Variants in HERPUD2 observed in about 807,000 individuals in gnomAD.
The protein encoded by HERPUD2 is HERPUD family member 2.
Under a neutral mutation model 49.9 loss-of-function variants are expected in HERPUD2, and 13 were observed. That is an observed-to-expected ratio of 0.26 (90% CI 0.17 to 0.41). The LOEUF is 0.41. Among genes scored for constraint, HERPUD2 ranks in the 10% least tolerant of loss-of-function variants. The pLI is 1.00. For synonymous variants in HERPUD2, 172 were observed against 171.4 expected (o/e 1.00, Z -0.03); for missense variants, 449 against 492.2 (o/e 0.91, Z 0.83).
At chr7:35,661,543 A>C (rs917126614) in intron 5 of HERPUD2, among the ~76,000 whole-genome samples, 2 of 151,980 alleles carry the variant, frequency 1.3e-5, no homozygotes, top group Non-Finnish European at 2.9e-5. Context: ...GTCCTCTTTT[A>C]TTTCGCTGAG....
intron 2 of HERPUD2, among the ~76,000 whole-genome samples, chr7:35,691,714 C>T (rs917568599): frequency 6.6e-6 from 1 of 152,164 alleles, no homozygotes; most frequent in Non-Finnish European, 1.5e-5. Context: ...TCAGAAAAAC[C>T]TAAACTTCCT....
intron 2 of HERPUD2, among the ~76,000 whole-genome samples, chr7:35,678,486 A>G (rs1785812860): frequency 6.6e-6 from 1 of 152,174 alleles, no homozygotes; most frequent in Non-Finnish European, 1.5e-5. Flanking sequence ...TATTTAGTAG[A>G]GATGGGATTT....
rs181952104 is a variant in HERPUD2 at position 35,690,230 on chromosome 7, T to C, written c.147+3954A>G. Among the ~76,000 whole-genome samples the C allele has an allele frequency of 5.6e-4, 85 of 152,340 alleles. 1 individual carries two copies. In the East Asian group the frequency reaches 0.014, roughly 25 times the overall value. ...ATATTACAACTCACAATTATCTATA[T>C]ATTCTGTAATATAAACTAGTGCACT... is the stretch of plus-strand genomic sequence containing the variant. On this transcript the variant is annotated intron_variant, in intron 2 of 8. Transcript: ENST00000311350.
Position 35,661,160 on chromosome 7 carries a change from G to A in HERPUD2, c.494+6274C>T, listed in dbSNP as rs182157133. 5.1e-3 allele frequency among the ~76,000 whole-genome samples: 779 copies of A among 152,054 alleles called. 23 individuals carry two copies. The highest frequency in any genetic ancestry group is 0.045 in the Admixed American group (685 of 15,266). On this transcript the variant is annotated intron_variant, in intron 5 of 8. Coordinates refer to ENST00000311350, the MANE Select transcript of HERPUD2 (RefSeq NM_022373.5). ...AATCCTTTCCCCATTTCTTGTTTTCGTCAGGTTTGTGAAAGATCAGATGGC... is the reference window on the plus strand; with the variant it reads ...AATCCTTTCCCCATTTCTTGTTTTCATCAGGTTTGTGAAAGATCAGATGGC...
At chr7:35,664,554 C>T (rs1056292688) in intron 5 of HERPUD2, among the ~76,000 whole-genome samples, 2 of 152,342 alleles carry the variant, frequency 1.3e-5, no homozygotes. Flanking sequence ...GGTCTTCTCA[C>T]ATAGTCCCAT....
At position 35,659,845 on chromosome 7, in the gene HERPUD2, T is replaced by A. The variant is rs938921039; in HGVS notation, c.494+7589A>T. On this transcript the variant is annotated intron_variant, in intron 5 of 8. Coordinates refer to ENST00000311350, the MANE Select transcript of HERPUD2 (RefSeq NM_022373.5). ...TATTTGAGATTTTTCTTTTTTTTCTTTTTTCCTGTTCTATTTCATCTTTAT... is the reference window on the plus strand; with the variant it reads ...TATTTGAGATTTTTCTTTTTTTTCTATTTTCCTGTTCTATTTCATCTTTAT... Among the ~76,000 whole-genome samples the A allele has an allele frequency of 3.2e-4, 49 of 152,166 alleles. 1 individual carries two copies. The highest frequency in any genetic ancestry group is 2.1e-4 in the South Asian group (1 of 4,830).
chr7:35,665,422 G>A lies in HERPUD2; in HGVS notation c.494+2012C>T, dbSNP rs60888643. 3.4e-3 allele frequency among the ~76,000 whole-genome samples: 516 copies of A among 152,338 alleles called. 1 individual carries two copies. Among genetic ancestry groups the A allele is most frequent in the African/African-American group, 9.5e-3 (394 of 41,574 alleles). On this transcript the variant is annotated intron_variant, in intron 5 of 8. Coordinates refer to ENST00000311350, the MANE Select transcript of HERPUD2 (RefSeq NM_022373.5). ...GGGCATGGGACCCTCTGAGCCAGGC[G>A]CGGGATATAATCTCCTGGTGAGCCG...
chr7:35,639,370 C>T (rs1784928656), intron 5 of HERPUD2, among the ~76,000 whole-genome samples: 1 of 152,114 alleles, frequency 6.6e-6, no homozygotes, highest in South Asian at 2.1e-4. Flanking sequence ...TGGAAGGTCA[C>T]ATTTAACTTC....
intron 2 of HERPUD2, among the ~76,000 whole-genome samples, chr7:35,673,884 A>G (rs1785694486): frequency 6.6e-6 from 1 of 152,184 alleles, no homozygotes; most frequent in African/African-American, 2.4e-5. Context: ...CAAAAACACA[A>G]GACTAAAGAA....
intron 5 of HERPUD2, among the ~76,000 whole-genome samples, chr7:35,639,765 A>T (rs936707064): frequency 2.6e-5 from 4 of 152,220 alleles, no homozygotes; most frequent in African/African-American, 9.6e-5. Context: ...AACCTAACTT[A>T]GAAGAGCCTG....
rs962664866 is a variant in HERPUD2 at position 35,634,200 on chromosome 7, G to T, written c.1059+112C>A. 23 of 701,358 alleles carry T rather than the reference G, an allele frequency of 3.3e-5. No homozygotes were observed. In the African/African-American group the frequency reaches 3.7e-4, roughly 11 times the overall value. 43.4% of individuals were successfully genotyped at this position (701,358 alleles called of 1,614,324 possible). ...AATTTATATGTTAGTTTTCTTTCAT[G>T]TGCCATTTCACAAATACTTATGGAA... On this transcript the variant is annotated intron_variant, in intron 8 of 8. Coordinates refer to ENST00000311350, the MANE Select transcript of HERPUD2 (RefSeq NM_022373.5).
chr7:35,657,252 TG>T (rs1270489455), intron 5 of HERPUD2, among the ~76,000 whole-genome samples: 1 of 151,898 alleles, frequency 6.6e-6, no homozygotes, highest in Non-Finnish European at 1.5e-5. Context: ...AACAGGTATA[TG>T]AAAAAAATGC....
At chr7:35,691,421 C>A (rs1259302579) in intron 2 of HERPUD2, among the ~76,000 whole-genome samples, 1 of 152,156 alleles carries the variant, frequency 6.6e-6, no homozygotes, top group Non-Finnish European at 1.5e-5. Flanking sequence ...TCTAGCAGCA[C>A]CAATTTATTT....
intron 5 of HERPUD2, 62 bp from the exon 6 acceptor site, chr7:35,638,534 T>C: frequency 6.6e-7 from 1 of 1,510,314 alleles, no homozygotes; most frequent in Non-Finnish European, 9.0e-7. Flanking sequence ...TATTCTAAAT[T>C]TTCATTTCTG....
chr7:35,643,499 T>C (rs1213684591), intron 5 of HERPUD2, among the ~76,000 whole-genome samples: 2 of 152,108 alleles, frequency 1.3e-5, no homozygotes, highest in Non-Finnish European at 2.9e-5. Context: ...TGGAGTGACT[T>C]CTTAGATATT....
intron 6 of HERPUD2, 146 bp from the exon 7 acceptor site, chr7:35,635,604 A>G (rs1359377059): frequency 2.9e-6 from 2 of 687,362 alleles, no homozygotes; most frequent in African/African-American, 3.6e-5. Flanking sequence ...TTAGGTAAGC[A>G]CAAATTCCAA....
intron 2 of HERPUD2, among the ~76,000 whole-genome samples, chr7:35,677,793 G>A (rs1785798020): frequency 6.6e-6 from 1 of 152,164 alleles, no homozygotes; most frequent in African/African-American, 2.4e-5. Flanking sequence ...CAAGAGCAAT[G>A]TCCTTCAGCA....
At chr7:35,680,734 A>G (rs925859747) in intron 2 of HERPUD2, among the ~76,000 whole-genome samples, 1 of 152,218 alleles carries the variant, frequency 6.6e-6, no homozygotes, top group Non-Finnish European at 1.5e-5. Context: ...CTTGACTTAC[A>G]AATCTACAGT....
chr7:35,636,373 T>G (rs912716207), intron 6 of HERPUD2, among the ~76,000 whole-genome samples: 1 of 152,220 alleles, frequency 6.6e-6, no homozygotes, highest in African/African-American at 2.4e-5. Context: ...CTTGTACCTG[T>G]ATAGGGCTTT....
Sources: allele counts gnomAD v4.1 joint callset (sites outside exome capture counted in the v4.1 genomes callset), GRCh38; gene constraint gnomAD v4.1.1; transcripts MANE v1.5; gene names NCBI Gene and HGNC (gene_info 2026-07-23, HGNC 2026-07-21).